SLC36A4: variants seen among roughly 807,000 people sequenced by gnomAD.
The protein encoded by SLC36A4 is solute carrier family 36 member 4.
Under a neutral mutation model 50.5 loss-of-function variants are expected in SLC36A4, and 49 were observed. The observed-to-expected ratio is 0.97, with a 90% confidence interval of 0.77 to 1.23. The LOEUF (loss-of-function observed/expected upper bound fraction) is 1.23. Among genes scored for constraint, SLC36A4 ranks in the 50% most tolerant of loss-of-function variants. The pLI is 0.00. For missense variants in SLC36A4, 611 were observed against 608.4 expected, an observed-to-expected ratio of 1.00 and a Z score of -0.05; for synonymous variants, 207 against 206.5, an observed-to-expected ratio of 1.00 and a Z score of -0.02.
At chr11:93,169,644 T>A (rs1861041505) in intron 6 of SLC36A4, among the ~76,000 whole-genome samples, 1 of 152,158 alleles carries the variant, frequency 6.6e-6, no homozygotes, top group South Asian at 2.1e-4. Context: ...ATACAGGCAA[T>A]TTATAACTCA....
At chr11:93,188,690 T>A (rs1185925717) in intron 1 of SLC36A4, among the ~76,000 whole-genome samples, 1 of 152,200 alleles carries the variant, frequency 6.6e-6, no homozygotes, top group Non-Finnish European at 1.5e-5. Context: ...ACTCTAGAAA[T>A]TTATTATGTT....
chr11:93,158,893 A>T (rs891219619), intron 9 of SLC36A4, among the ~76,000 whole-genome samples: 1 of 152,102 alleles, frequency 6.6e-6, no homozygotes, highest in African/African-American at 2.4e-5. Context: ...TTGAGGGTAC[A>T]AAAAACATCA....
rs1419277884 is a variant in SLC36A4 at position 93,148,101 on chromosome 11, T to G, written c.*436A>C. The G allele has an allele frequency of 1.3e-5, 2 of 153,808 alleles. No homozygotes were observed. Among genetic ancestry groups the G allele is most frequent in the Non-Finnish European group, 2.9e-5 (2 of 69,498 alleles). The allele number at this position is 153,808 out of a possible 1,614,324, so 9.5% of individuals were successfully genotyped here. ...TTTTACACTGTACATAAAGTTTACT[T>G]TGGCATTCACAGGGATGATCTGGAG... On this transcript the variant is annotated 3_prime_UTR_variant, in exon 11 of 11. Coordinates refer to ENST00000326402, the MANE Select transcript of SLC36A4 (RefSeq NM_152313.4).
chr11:93,193,918 T>C (rs912035389), intron 1 of SLC36A4, among the ~76,000 whole-genome samples: 3 of 152,102 alleles, frequency 2.0e-5, no homozygotes, highest in African/African-American at 7.2e-5. Context: ...ACGTTGAAAA[T>C]TGCGAAACAA....
chr11:93,169,110 C>CT (rs1861015664), intron 6 of SLC36A4, among the ~76,000 whole-genome samples: 1 of 152,072 alleles, frequency 6.6e-6, no homozygotes, highest in Non-Finnish European at 1.5e-5. Context: ...TACACACACT[C>CT]TAAAAATTCT....
chr11:93,180,183 C>A (rs1861674692), intron 6 of SLC36A4: 1 of 983,770 alleles, frequency 1.0e-6, no homozygotes, highest in South Asian at 4.7e-5. Flanking sequence ...TGATACCAGT[C>A]ATAAAAGTGC....
intron 6 of SLC36A4, among the ~76,000 whole-genome samples, chr11:93,172,531 G>T (rs1861210334): frequency 6.6e-6 from 1 of 150,468 alleles, no homozygotes; most frequent in African/African-American, 2.5e-5. Flanking sequence ...GTGCCATGCT[G>T]GTGCGCTGCA....
At chr11:93,149,060 A>G (rs1279206120) in intron 10 of SLC36A4, among the ~76,000 whole-genome samples, 1 of 152,088 alleles carries the variant, frequency 6.6e-6, no homozygotes, top group Non-Finnish European at 1.5e-5. Flanking sequence ...TCCTAGACTT[A>G]CACTTGTCAA....
At chr11:93,189,023 C>T (rs944571737) in intron 1 of SLC36A4, among the ~76,000 whole-genome samples, 4 of 151,092 alleles carry the variant, frequency 2.6e-5, no homozygotes, top group African/African-American at 9.7e-5. Context: ...GGACACCAGT[C>T]ATATTGGATT....
At chr11:93,197,635 G>C (rs1250207333) in intron 1 of SLC36A4, 143 bp downstream of exon 1, 1 of 883,080 alleles carries the variant, frequency 1.1e-6, no homozygotes, top group Non-Finnish European at 1.7e-6. Context: ...CGGTTCCTTT[G>C]CGGATGCTGA....
chr11:93,158,237 A>G (rs1322884270), intron 9 of SLC36A4, among the ~76,000 whole-genome samples: 3 of 152,190 alleles, frequency 2.0e-5, no homozygotes, highest in African/African-American at 7.2e-5. Context: ...TCTGATATGT[A>G]ACTGTGGATA....
At chr11:93,158,438 G>C (rs1860463940) in intron 9 of SLC36A4, among the ~76,000 whole-genome samples, 1 of 151,900 alleles carries the variant, frequency 6.6e-6, no homozygotes, top group African/African-American at 2.4e-5. Flanking sequence ...TAAGAATCTG[G>C]TTATTATTAA....
At chr11:93,171,567 A>G (rs976232311) in intron 6 of SLC36A4, 1 of 152,120 alleles carries the variant, frequency 6.6e-6, no homozygotes, top group Non-Finnish European at 1.5e-5. Flanking sequence ...TAAATAATGT[A>G]TATCATGGTT....
At chr11:93,151,435 A>G (rs1860082634) in intron 10 of SLC36A4, among the ~76,000 whole-genome samples, 1 of 152,106 alleles carries the variant, frequency 6.6e-6, no homozygotes, top group Non-Finnish European at 1.5e-5. Context: ...GTAAATGCAG[A>G]TACATCAGAA....
At chr11:93,187,007 A>G (rs529448081) in intron 1 of SLC36A4, among the ~76,000 whole-genome samples, 2 of 152,282 alleles carry the variant, frequency 1.3e-5, no homozygotes, top group East Asian at 3.9e-4. Context: ...CTGATTCCTC[A>G]GGAGGGTCTC....
chr11:93,185,878 A>G (rs987470287), intron 1 of SLC36A4, 64 bp from the exon 2 acceptor site: 13 of 1,419,836 alleles, frequency 9.2e-6, no homozygotes, highest in African/African-American at 2.9e-5. Flanking sequence ...GCTGGTATAA[A>G]TGAATTTCAA....
rs1299472429 is a variant in SLC36A4, at chr11:93,148,146, G to A, written c.*391C>T. ...CTGGAGAGAGCTTTTTGTTATACAT[G>A]TTCTTATTTTATTCTCTTATTGTTG... On this transcript the variant is annotated 3_prime_UTR_variant, in exon 11 of 11. Coordinates refer to ENST00000326402, the MANE Select transcript of SLC36A4 (RefSeq NM_152313.4). 2 of 161,484 alleles carry A rather than the reference G, an allele frequency of 1.2e-5. No homozygotes were observed. Among genetic ancestry groups the A allele is most frequent in the African/African-American group, 2.4e-5 (1 of 41,430 alleles). The allele number at this position is 161,484 out of a possible 1,614,324, so 10.0% of individuals were successfully genotyped here. A position where few individuals can be genotyped will look rare whatever the true frequency, so the allele number is the denominator to read the frequency against.
At position 93,180,853 on chromosome 11, in the gene SLC36A4, T is replaced by C. The variant is rs149248615; in HGVS notation, c.484A>G (p.Thr162Ala). 2.5e-5 allele frequency: 41 copies of C among 1,612,868 alleles called. No homozygotes were observed. The African/African-American group carries it at 5.1e-4, about 20-fold the overall frequency. ...TAAACACTACAGAATCCCAGCTGTGTTATCACCAGAAAAAAGTCAACCACA... is the reference window on the plus strand; with the variant it reads ...TAAACACTACAGAATCCCAGCTGTGCTATCACCAGAAAAAAGTCAACCACA... ...RSVVDFFLVI[T>A]QLGFCSVYIV... Residue 162 changes from threonine to alanine, a missense_variant, in exon 6 of 11, where the codon ACA becomes GCA. Transcript: ENST00000326402.
chr11:93,184,031 C>T (rs867088316), intron 3 of SLC36A4, among the ~76,000 whole-genome samples: 19 of 152,218 alleles, frequency 1.2e-4, no homozygotes, highest in African/African-American at 4.1e-4. Flanking sequence ...ATTCTGAAAA[C>T]TGTATATTTG....
Sources: gnomAD v4.1 joint callset for allele counts (sites outside exome capture counted in the v4.1 genomes callset) on GRCh38, gnomAD v4.1.1 for gene constraint, MANE v1.5 for transcripts, NCBI Gene and HGNC (gene_info 2026-07-23, HGNC 2026-07-21) for gene names.